The following TRABD2B variants were observed in gnomAD, a reference collection of about 807,000 sequenced individuals.
TRABD2B encodes TraB domain containing 2B.
A neutral mutation model predicts 40.1 loss-of-function variants in TRABD2B; 14 were observed. That is an observed-to-expected ratio of 0.35 (90% CI 0.23 to 0.55). The LOEUF is 0.55. TRABD2B is among the 20% of genes least tolerant of loss of function. The pLI, the probability that TRABD2B is intolerant of heterozygous loss-of-function variation, is 0.90. For synonymous variants in TRABD2B, 263 were observed against 277.0 expected, an observed-to-expected ratio of 0.95 and a Z score of 0.50; for missense variants, 541 against 648.6, an observed-to-expected ratio of 0.83 and a Z score of 1.80.
chr1:47,846,397 G>A (rs937465567), intron 2 of TRABD2B, among the ~76,000 whole-genome samples: 78 of 152,324 alleles, frequency 5.1e-4, no homozygotes, highest in African/African-American at 1.9e-3. Flanking sequence ...GAGCTGATGT[G>A]GTAGAAGTGA....
chr1:47,792,240 G>T (rs1199472915), intron 4 of TRABD2B, among the ~76,000 whole-genome samples: 1 of 152,210 alleles, frequency 6.6e-6, no homozygotes, highest in Non-Finnish European at 1.5e-5. Flanking sequence ...GAGGAGAACA[G>T]GATGGGAGAC....
chr1:47,796,805 G>A (rs888359243), intron 3 of TRABD2B, among the ~76,000 whole-genome samples: 1 of 152,146 alleles, frequency 6.6e-6, no homozygotes, highest in Non-Finnish European at 1.5e-5. Flanking sequence ...CTTTGAAAGC[G>A]ATAATTGGAA....
At position 47,994,237 on chromosome 1, in the gene TRABD2B, C is replaced by T. The variant is rs774531722; in HGVS notation, c.463G>A (p.Ala155Thr). 1.9e-5 allele frequency: 29 copies of T among 1,542,920 alleles called. No individual in the cohort carries two copies. The highest frequency in any genetic ancestry group is 2.1e-5 in the Non-Finnish European group (24 of 1,150,030). Reference protein sequence around the residue: ...LYADYLFNAIAGNWERKRPVW... With the variant: ...LYADYLFNAITGNWERKRPVW... ...GGCCTCTTGCGCTCCCAGTTGCCCGCGATGGCATTGAATAGGTAGTCAGCA... is the reference window on the plus strand; with the variant it reads ...GGCCTCTTGCGCTCCCAGTTGCCCGTGATGGCATTGAATAGGTAGTCAGCA... The change falls in exon 2 of 7, where the codon GCG becomes ACG. Residue 155 changes from alanine to threonine, a missense_variant. Around this residue, in one of 2 missense-constraint regions of TRABD2B, gnomAD observed 369 missense variants for 492.8 expected, o/e 0.75. Transcript: ENST00000606738. This position sits in a 1 kb window ranked among gnomAD's most constrained non-coding sequence, Gnocchi z 6.7.
chr1:47,875,882 G>A (rs1644218973), intron 2 of TRABD2B, among the ~76,000 whole-genome samples: 1 of 151,076 alleles, frequency 6.6e-6, no homozygotes. Context: ...CACAGCCCTG[G>A]CCTCTCTGCA....
chr1:47,936,095 T>C (rs920733158), intron 2 of TRABD2B, among the ~76,000 whole-genome samples: 3 of 152,162 alleles, frequency 2.0e-5, no homozygotes, highest in Non-Finnish European at 4.4e-5. Context: ...ACTCAGGAAC[T>C]ATGAGGTCTC....
At chr1:47,879,101 T>C (rs1208515893) in intron 2 of TRABD2B, among the ~76,000 whole-genome samples, 2 of 132,404 alleles carry the variant, frequency 1.5e-5, no homozygotes, top group African/African-American at 5.6e-5. Context: ...TAAGACCTTG[T>C]CTCAAAAAAA....
chr1:47,940,526 C>T (rs77480773), intron 2 of TRABD2B, among the ~76,000 whole-genome samples: 3,562 of 152,300 alleles, frequency 0.023, 107 homozygotes, highest in Admixed American at 0.09. Flanking sequence ...AAGTCACATG[C>T]CTGCCTGCTG....
In TRABD2B at chr1:47,984,209, C is replaced by A. The variant is rs556312257; in HGVS notation, c.666+9825G>T. ...CTTTTATCTTTGCACCGTGGCTGCCCGGGCAGGGCTGGCCGCGCGCCGCGC... is the reference window on the plus strand; with the variant it reads ...CTTTTATCTTTGCACCGTGGCTGCCAGGGCAGGGCTGGCCGCGCGCCGCGC... On this transcript the variant is annotated intron_variant, in intron 2 of 6. Transcript: ENST00000606738. 4.6e-5 allele frequency among the ~76,000 whole-genome samples: 7 copies of A among 152,344 alleles called. No individual in the cohort carries two copies. The East Asian group carries it at 1.4e-3, about 30-fold the overall frequency.
At chr1:47,963,344 G>A (rs904303614) in intron 2 of TRABD2B, among the ~76,000 whole-genome samples, 1 of 152,184 alleles carries the variant, frequency 6.6e-6, no homozygotes, top group East Asian at 1.9e-4. Context: ...GGTTACAGGT[G>A]GTGAACAGAG....
chr1:47,870,914 T>C (rs1040779462), intron 2 of TRABD2B, among the ~76,000 whole-genome samples: 1 of 152,152 alleles, frequency 6.6e-6, no homozygotes, highest in African/African-American at 2.4e-5. Context: ...GAGAACAGCA[T>C]ATGAAGAATG....
chr1:47,932,313 G>A (rs1645050455), intron 2 of TRABD2B, among the ~76,000 whole-genome samples: 1 of 152,190 alleles, frequency 6.6e-6, no homozygotes, highest in African/African-American at 2.4e-5. Context: ...GGTGCACCAA[G>A]GAGAGGACCA....
chr1:47,864,124 T>C (rs1398058293), intron 2 of TRABD2B, among the ~76,000 whole-genome samples: 4 of 152,138 alleles, frequency 2.6e-5, no homozygotes, highest in African/African-American at 9.7e-5. Context: ...AGGTGGAGCA[T>C]AGATAATTTT....
At chr1:47,862,921 TAG>T (rs1239989658) in intron 2 of TRABD2B, among the ~76,000 whole-genome samples, 2 of 152,098 alleles carry the variant, frequency 1.3e-5, no homozygotes, top group African/African-American at 4.8e-5. Context: ...TGCCCAGAAA[TAG>T]ACTCACATAA....
intron 2 of TRABD2B, among the ~76,000 whole-genome samples, chr1:47,923,915 T>TACACAC (rs60288001): frequency 3.8e-5 from 5 of 132,486 alleles, no homozygotes; most frequent in South Asian, 2.8e-4. Flanking sequence ...CATACACACA[T>TACACAC]ACACACACAC....
At chr1:47,815,353 G>C (rs1645017301) in intron 2 of TRABD2B, among the ~76,000 whole-genome samples, 1 of 152,196 alleles carries the variant, frequency 6.6e-6, no homozygotes. Flanking sequence ...GAGGCGATGA[G>C]AGCAGACAGG....
intron 2 of TRABD2B, among the ~76,000 whole-genome samples, chr1:47,863,139 A>G (rs1198488724): frequency 6.6e-6 from 1 of 151,790 alleles, no homozygotes; most frequent in East Asian, 1.9e-4. Flanking sequence ...GAAAATCTAG[A>G]TGGCTTTCAG....
intron 3 of TRABD2B, among the ~76,000 whole-genome samples, chr1:47,800,083 G>A (rs1383640097): frequency 1.3e-5 from 2 of 151,852 alleles, no homozygotes; most frequent in African/African-American, 4.8e-5. Flanking sequence ...TGGGCCAGGG[G>A]CTGCTCCAGC....
At chr1:47,955,231 T>A (rs1645401349) in intron 2 of TRABD2B, among the ~76,000 whole-genome samples, 1 of 152,194 alleles carries the variant, frequency 6.6e-6, no homozygotes, top group Non-Finnish European at 1.5e-5. Context: ...CCTTTTCATT[T>A]TCCAGACTAT....
chr1:47,953,261 T>G (rs962800436), intron 2 of TRABD2B, among the ~76,000 whole-genome samples: 1 of 152,166 alleles, frequency 6.6e-6, no homozygotes, highest in South Asian at 2.1e-4. Context: ...AGAACCAGCT[T>G]TTTGAGAGAA....
Sources: gnomAD v4.1 joint callset for allele counts (sites outside exome capture counted in the v4.1 genomes callset) on GRCh38, gnomAD v4.1.1 for gene constraint, gnomAD v4.1.1 regional missense constraint, Gnocchi (gnomAD v3.1) non-coding constraint, MANE v1.5 for transcripts, NCBI Gene and HGNC (gene_info 2026-07-23, HGNC 2026-07-21) for gene names.